ASPH: variants seen among roughly 807,000 people sequenced by gnomAD.
ASPH encodes aspartyl/asparaginyl beta-hydroxylase.
Under a neutral mutation model 118.4 loss-of-function variants are expected in ASPH, and 100 were observed. The observed-to-expected ratio is 0.84, with a 90% CI of 0.72 to 1.00. ASPH has a LOEUF of 1.00. Among genes scored for constraint, ASPH ranks in the 50% least tolerant of loss-of-function variants. The probability of loss-of-function intolerance (pLI) is 0.00; values close to 1 mark genes in which losing one functional copy is unlikely to be tolerated. For missense variants in ASPH, 920 were observed against 919.5 expected (o/e 1.00, Z -0.01); for synonymous variants, 315 against 325.6 (o/e 0.97, Z 0.35).
intron 13 of ASPH, among the ~76,000 whole-genome samples, chr8:61,623,285 C>A (rs1203579651): frequency 6.6e-6 from 1 of 152,182 alleles, no homozygotes; most frequent in East Asian, 1.9e-4. Context: ...TTTTGATTTG[C>A]ATTTCTGATG....
At chr8:61,697,202 G>C (rs1477103108) in intron 1 of ASPH, among the ~76,000 whole-genome samples, 1 of 152,070 alleles carries the variant, frequency 6.6e-6, no homozygotes, top group Non-Finnish European at 1.5e-5. Context: ...GAAAACCATA[G>C]GTCAAAAAAC....
At chr8:61,582,262 C>A (rs1212093622) in intron 15 of ASPH, among the ~76,000 whole-genome samples, 1 of 152,156 alleles carries the variant, frequency 6.6e-6, no homozygotes, top group African/African-American at 2.4e-5. Flanking sequence ...GCAGAATACC[C>A]CATAACTGAG....
At chr8:61,680,720 T>C (rs545431767) in intron 3 of ASPH, 1 of 270,268 alleles carries the variant, frequency 3.7e-6, no homozygotes, top group Admixed American at 5.3e-5. Flanking sequence ...GAAACACACA[T>C]GAAATTATTA....
intron 18 of ASPH, among the ~76,000 whole-genome samples, chr8:61,559,968 T>C (rs1829233443): frequency 6.6e-6 from 1 of 152,102 alleles, no homozygotes; most frequent in African/African-American, 2.4e-5. Context: ...TAGGACAGGA[T>C]AAACCTGTCC....
intron 14 of ASPH, among the ~76,000 whole-genome samples, chr8:61,593,317 G>C (rs1587806367): frequency 6.6e-6 from 1 of 152,292 alleles, no homozygotes; most frequent in East Asian, 1.9e-4. Context: ...GGTATTACCA[G>C]AAGAAGAAGT....
At chr8:61,578,140 T>C (rs1835963013) in intron 15 of ASPH, 5 of 1,440,888 alleles carry the variant, frequency 3.5e-6, no homozygotes, top group East Asian at 2.5e-5. Flanking sequence ...ATGGGAGAAA[T>C]TGGACCAAGA....
Position 61,714,354 on chromosome 8 carries a change from A to G in ASPH, c.18T>C (p.Asn6=), listed in dbSNP as rs1269670385. The change falls in exon 1 of 25, where the codon AAT becomes AAC. Residue 6 remains asparagine (N), a synonymous_variant. Transcript: ENST00000379454. ...TGCTGCTGTTGCCGCTGCTCTTGGCATTCTTACGCTGGGCCATTGCACGGT... is the reference window on the plus strand; with the variant it reads ...TGCTGCTGTTGCCGCTGCTCTTGGCGTTCTTACGCTGGGCCATTGCACGGT... The part of the protein sequence containing the change: MAQRK[N]AKSSGNSSSS... 1 of 1,517,884 alleles carries G rather than the reference A, an allele frequency of 6.6e-7. No homozygotes were observed. Among genetic ancestry groups the G allele is most frequent in the Non-Finnish European group, 8.8e-7 (1 of 1,133,396 alleles). The allele number at this position is 1,517,884 out of a possible 1,614,324, so 94.0% of individuals were successfully genotyped here.
chr8:61,548,086 G>A lies in ASPH; in HGVS notation c.1749C>T (p.Tyr583=). 1 of 1,613,692 alleles carries A rather than the reference G, an allele frequency of 6.2e-7. No individual in the cohort carries two copies. The highest frequency in any genetic ancestry group is 8.5e-7 in the Non-Finnish European group (1 of 1,179,726). Residue 583 remains tyrosine, a synonymous_variant, in exon 21 of 25, where the codon TAC becomes TAT. Transcript: ENST00000379454. ...QPWWTPKETG[Y]TELVKSLERN... is the part of the protein sequence containing the mutation. Reference sequence around the variant, plus strand: ...TTATACTTACCTTTACTAACTCTGTGTAGCCCGTTTCTTTTGGGGTCCACC... The same window carrying A: ...TTATACTTACCTTTACTAACTCTGTATAGCCCGTTTCTTTTGGGGTCCACC...
chr8:61,575,313 A>C (rs2132068216), intron 16 of ASPH, among the ~76,000 whole-genome samples: 1 of 152,292 alleles, frequency 6.6e-6, no homozygotes, highest in Non-Finnish European at 1.5e-5. Flanking sequence ...TTTATTTATA[A>C]AGACTTTCAG....
intron 14 of ASPH, among the ~76,000 whole-genome samples, chr8:61,585,275 T>A (rs1464754865): frequency 6.6e-6 from 1 of 152,080 alleles, no homozygotes; most frequent in Non-Finnish European, 1.5e-5. Flanking sequence ...GCAGAGTGGA[T>A]GGATGCAGAG....
At chr8:61,711,353 T>C (rs946594346) in intron 1 of ASPH, among the ~76,000 whole-genome samples, 1 of 152,146 alleles carries the variant, frequency 6.6e-6, no homozygotes, top group African/African-American at 2.4e-5. Context: ...CAAACTATTT[T>C]CAAATCAATA....
intron 13 of ASPH, chr8:61,624,273 ACTT>A: frequency 8.1e-6 from 8 of 985,380 alleles, no homozygotes; most frequent in Non-Finnish European, 9.6e-6. Context: ...AATAATCAAA[ACTT>A]CTAGGTGCAG....
chr8:61,689,270 GGTAA>G (rs1192667032), intron 1 of ASPH, among the ~76,000 whole-genome samples: 8 of 151,866 alleles, frequency 5.3e-5, no homozygotes, highest in Admixed American at 1.3e-4. Context: ...GCTTGAACCA[GGTAA>G]GTCTGTTCAT....
At chr8:61,668,596 C>A (rs918753011) in intron 3 of ASPH, among the ~76,000 whole-genome samples, 6 of 152,052 alleles carry the variant, frequency 3.9e-5, no homozygotes, top group Non-Finnish European at 8.8e-5. Flanking sequence ...GGTAGACTTC[C>A]GCTTGGGTCA....
At chr8:61,586,580 C>T (rs1839529138) in intron 14 of ASPH, among the ~76,000 whole-genome samples, 1 of 152,138 alleles carries the variant, frequency 6.6e-6, no homozygotes, top group African/African-American at 2.4e-5. Context: ...AGTCGCCCGG[C>T]CACACACTAT....
intron 22 of ASPH, among the ~76,000 whole-genome samples, chr8:61,522,615 G>T (rs1006178918): frequency 6.6e-6 from 1 of 152,074 alleles, no homozygotes; most frequent in Admixed American, 6.6e-5. Flanking sequence ...TAGTTCTCAC[G>T]AGATCTGATG....
intron 3 of ASPH, among the ~76,000 whole-genome samples, chr8:61,674,468 C>A (rs1373312345): frequency 6.6e-6 from 1 of 152,138 alleles, no homozygotes; most frequent in African/African-American, 2.4e-5. Flanking sequence ...CCCATTAGTG[C>A]AGGCAAGACA....
At chr8:61,574,697 G>A (rs750767320) in intron 16 of ASPH, among the ~76,000 whole-genome samples, 3 of 152,118 alleles carry the variant, frequency 2.0e-5, no homozygotes, top group Non-Finnish European at 4.4e-5. Context: ...GCGGCCTGTC[G>A]GGTGGGGGGC....
chr8:61,621,260 G>A (rs1850799300), intron 13 of ASPH, among the ~76,000 whole-genome samples: 1 of 149,744 alleles, frequency 6.7e-6, no homozygotes, highest in Non-Finnish European at 1.5e-5. Context: ...AAAATACACA[G>A]AGATAATAGT....
Sources: gnomAD v4.1 joint callset for allele counts (sites outside exome capture counted in the v4.1 genomes callset) on GRCh38, gnomAD v4.1.1 for gene constraint, MANE v1.5 for transcripts, NCBI Gene and HGNC (gene_info 2026-07-23, HGNC 2026-07-21) for gene names.